The following ERC2 variants were observed in gnomAD, a reference collection of about 807,000 sequenced individuals.
The protein encoded by ERC2 is ERC protein 2.
ERC2 carries 42 observed loss-of-function variants against 114.8 expected under a neutral mutation model. That is an observed-to-expected ratio of 0.37 (90% CI 0.29 to 0.47). ERC2 has a LOEUF of 0.47. ERC2 is among the 20% of genes least tolerant of loss of function. The pLI, the probability that ERC2 is intolerant of heterozygous loss-of-function variation, is 0.99. For missense variants in ERC2, 939 were observed against 1,150.7 expected, an observed-to-expected ratio of 0.82 and a Z score of 2.66; for synonymous variants, 454 against 425.5, an observed-to-expected ratio of 1.07 and a Z score of -0.82.
chr3:55,623,276 C>T (rs1186383919), intron 17 of ERC2, among the ~76,000 whole-genome samples: 2 of 152,142 alleles, frequency 1.3e-5, no homozygotes, highest in Admixed American at 6.5e-5. Context: ...GAAGACAGTG[C>T]CTGGCACATA....
intron 6 of ERC2, among the ~76,000 whole-genome samples, chr3:56,113,681 C>T (rs1342662454): frequency 6.6e-6 from 1 of 152,184 alleles, no homozygotes; most frequent in Non-Finnish European, 1.5e-5. Flanking sequence ...ACACTATCTA[C>T]TCAGAATTAG....
intron 2 of ERC2, among the ~76,000 whole-genome samples, chr3:56,352,218 G>A (rs2058581063): frequency 6.6e-6 from 1 of 152,182 alleles, no homozygotes; most frequent in Non-Finnish European, 1.5e-5. Flanking sequence ...CTGGAGGCAG[G>A]TCAAGAGACT....
chr3:56,118,532 C>G (rs1451664160), intron 6 of ERC2, among the ~76,000 whole-genome samples: 1 of 151,980 alleles, frequency 6.6e-6, no homozygotes, highest in African/African-American at 2.4e-5. Context: ...TGCCAGGCAC[C>G]AAGCTAGGTC....
chr3:55,684,444 C>G (rs140324006), intron 16 of ERC2, among the ~76,000 whole-genome samples: 1 of 152,232 alleles, frequency 6.6e-6, no homozygotes, highest in Non-Finnish European at 1.5e-5. Context: ...TTGACAGATT[C>G]TATTTTGCTC....
rs192130772 is a variant in ERC2 at position 55,664,728 on chromosome 3, C to A, written c.*39+19066G>T. On this transcript the variant is annotated intron_variant, in intron 17 of 17. Transcript: ENST00000288221. ...ACATACCGCGGCCCAGAGCTTCAGG[C>A]GAGGTTGTGGGGAAACCAAACGCTC... Among the ~76,000 whole-genome samples, 25 of 152,268 alleles carry A rather than the reference C, an allele frequency of 1.6e-4. No individual in the cohort carries two copies. In the East Asian group the frequency reaches 4.2e-3, roughly 26 times the overall value.
chr3:55,703,833 G>C (rs930773214), intron 15 of ERC2, among the ~76,000 whole-genome samples: 1 of 152,196 alleles, frequency 6.6e-6, no homozygotes, highest in African/African-American at 2.4e-5. Context: ...TGTAATTCTT[G>C]GGAGTGGCGA....
intron 7 of ERC2, among the ~76,000 whole-genome samples, chr3:56,041,091 T>C (rs2075162998): frequency 6.6e-6 from 1 of 152,144 alleles, no homozygotes; most frequent in South Asian, 2.1e-4. Flanking sequence ...TCATCAAAAT[T>C]GTGATTTTTC....
At chr3:55,871,335 G>T (rs897507718) in intron 14 of ERC2, among the ~76,000 whole-genome samples, 17 of 152,178 alleles carry the variant, frequency 1.1e-4, no homozygotes, top group Non-Finnish European at 2.5e-4. Context: ...AGGTGGTTTT[G>T]GGGGTAAGCC....
At position 56,201,703 on chromosome 3, in the gene ERC2, C is replaced by T. The variant is rs1197069211; in HGVS notation, c.1075-28183G>A. Among the ~76,000 whole-genome samples, 4 of 152,206 alleles carry T rather than the reference C, an allele frequency of 2.6e-5. No homozygotes were observed. The East Asian group carries it at 7.7e-4, about 29-fold the overall frequency. On this transcript the variant is annotated intron_variant, in intron 3 of 17. Transcript: ENST00000288221. ...CTCAGTAGAAACCCAAACTGTTAGG[C>T]AAGTTCTTTTTAAAAACACAAGACA...
At chr3:56,375,617 T>C (rs1365180915) in intron 2 of ERC2, among the ~76,000 whole-genome samples, 1 of 152,114 alleles carries the variant, frequency 6.6e-6, no homozygotes, top group Non-Finnish European at 1.5e-5. Context: ...TAGAGGAACA[T>C]ACAACGATGA....
chr3:55,994,942 T>A (rs2071391653), intron 10 of ERC2, among the ~76,000 whole-genome samples: 1 of 152,190 alleles, frequency 6.6e-6, no homozygotes, highest in African/African-American at 2.4e-5. Context: ...TGAAGTTAGG[T>A]CATGTCATTA....
chr3:56,297,750 A>T (rs2055551686), intron 2 of ERC2, among the ~76,000 whole-genome samples: 1 of 152,238 alleles, frequency 6.6e-6, no homozygotes, highest in Non-Finnish European at 1.5e-5. Context: ...AACTCACAGT[A>T]TTGTAAGGCA....
At chr3:56,047,159 A>G (rs932342469) in intron 7 of ERC2, among the ~76,000 whole-genome samples, 3 of 152,172 alleles carry the variant, frequency 2.0e-5, no homozygotes, top group African/African-American at 7.2e-5. Context: ...TTTGTTTCCT[A>G]TTAAGATCCA....
At chr3:56,068,469 T>C (rs2076581013) in intron 7 of ERC2, among the ~76,000 whole-genome samples, 1 of 152,052 alleles carries the variant, frequency 6.6e-6, no homozygotes, top group Non-Finnish European at 1.5e-5. Context: ...ATTTTATTTA[T>C]TTATTTATTT....
intron 15 of ERC2, among the ~76,000 whole-genome samples, chr3:55,703,237 A>G (rs1178372242): frequency 6.6e-6 from 1 of 152,208 alleles, no homozygotes; most frequent in Non-Finnish European, 1.5e-5. Flanking sequence ...TCAGGAAAAC[A>G]GCCTGGGTCT....
At chr3:55,668,809 C>T (rs956027945) in intron 17 of ERC2, among the ~76,000 whole-genome samples, 1 of 152,180 alleles carries the variant, frequency 6.6e-6, no homozygotes, top group African/African-American at 2.4e-5. Context: ...ACCAGAACCT[C>T]ACATTGAGAG....
At chr3:55,576,003 T>A (rs770357663) in intron 17 of ERC2, among the ~76,000 whole-genome samples, 3 of 152,176 alleles carry the variant, frequency 2.0e-5, no homozygotes, top group Admixed American at 6.5e-5. Context: ...ACTAAGCTAT[T>A]TACCTCTATA....
intron 17 of ERC2, among the ~76,000 whole-genome samples, chr3:55,646,411 C>A (rs532897126): frequency 6.6e-6 from 1 of 152,266 alleles, no homozygotes; most frequent in Non-Finnish European, 1.5e-5. Context: ...TACAGAGCAT[C>A]TTTTTCCAAA....
chr3:55,547,324 G>A (rs2054826492), intron 17 of ERC2, among the ~76,000 whole-genome samples: 1 of 152,240 alleles, frequency 6.6e-6, no homozygotes, highest in Admixed American at 6.5e-5. Flanking sequence ...AGGCAGGGTA[G>A]GGCCCAGCGG....
Sources: gnomAD v4.1 joint callset for allele counts (sites outside exome capture counted in the v4.1 genomes callset) on GRCh38, gnomAD v4.1.1 for gene constraint, MANE v1.5 for transcripts, NCBI Gene and HGNC (gene_info 2026-07-23, HGNC 2026-07-21) for gene names.